The following ABCC10 variants were observed in gnomAD, a reference collection of about 807,000 sequenced individuals.
ABCC10 encodes the protein ATP binding cassette subfamily C member 10.
ABCC10 carries 110 observed loss-of-function variants against 143.2 expected under a neutral mutation model. That is an observed-to-expected ratio of 0.77 (90% CI 0.66 to 0.90). The LOEUF is 0.90. Ranked by LOEUF, ABCC10 falls within the 40% of genes least tolerant of loss-of-function variation. The pLI is 0.00. For missense variants in ABCC10, 1,700 were observed against 1,900.5 expected (o/e 0.89, Z 1.96); for synonymous variants, 805 against 846.7 (o/e 0.95, Z 0.85).
chr6:43,435,632 C>T (rs911561424), intron 4 of ABCC10, 119 bp from the exon 5 acceptor site: 2 of 1,242,520 alleles, frequency 1.6e-6, no homozygotes, highest in South Asian at 1.7e-5. Flanking sequence ...ATTGGCCAGC[C>T]AGCCCTTCAG....
chr6:43,434,719 G>T lies in ABCC10; in HGVS notation c.1479G>T (p.Leu493=), dbSNP rs761930674. ...ARVEACRARE[L]GRLRVIKYLD... The stretch of plus-strand genomic sequence containing the variant: ...TAGAGGCCTGCCGGGCTCGAGAGCT[G>T]GGGCGACTCCGGGTCATCAAATACC... The change falls in exon 4 of 22, where the codon CTG becomes CTT. Residue 493 remains leucine, a synonymous_variant. Transcript: ENST00000372530. The T allele has an allele frequency of 7.4e-6, 12 of 1,614,192 alleles. No homozygotes were observed. Among genetic ancestry groups the T allele is most frequent in the Admixed American group, 1.7e-5 (1 of 60,022 alleles).
chr6:43,427,924 C>G, intron 1 of ABCC10, 44 bp from the exon 2 acceptor site: 1 of 1,604,776 alleles, frequency 6.2e-7, no homozygotes, highest in Non-Finnish European at 8.5e-7. Flanking sequence ...CAGGCAAAGC[C>G]GGCTGTTACC....
At chr6:43,444,722 G>T (rs529791400) in intron 12 of ABCC10, 66 bp from the exon 13 acceptor site, 3 of 1,514,060 alleles carry the variant, frequency 2.0e-6, no homozygotes, top group African/African-American at 1.4e-5. Context: ...GAGAAAGGGG[G>T]CATTGGAATA....
chr6:43,445,529 C>T (rs1312874446), intron 14 of ABCC10, 70 bp from the exon 15 acceptor site: 22 of 1,441,950 alleles, frequency 1.5e-5, no homozygotes, highest in Non-Finnish European at 2.1e-5. Context: ...CACCCCACCT[C>T]CCCCAGTGCT....
Position 43,448,776 on chromosome 6 carries a change from C to G in ABCC10, c.3960-105C>G. On this transcript the variant is annotated intron_variant, in intron 18 of 21. Coordinates refer to ENST00000372530, the MANE Select transcript of ABCC10 (RefSeq NM_001198934.2). ...GCAGAGTGGGGTTATGTTCAGGTCTCATACCCAGGCTTTCATGGAGGTGCT... is the reference window on the plus strand; with the variant it reads ...GCAGAGTGGGGTTATGTTCAGGTCTGATACCCAGGCTTTCATGGAGGTGCT... The G allele has an allele frequency of 3.5e-6, 5 of 1,411,152 alleles. No homozygotes were observed. The East Asian group carries it at 1.2e-4, about 33-fold the overall frequency. The allele number at this position is 1,411,152 out of a possible 1,614,324, so 87.4% of individuals were successfully genotyped here.
chr6:43,429,848 T>C (rs1780940188), intron 2 of ABCC10, among the ~76,000 whole-genome samples: 1 of 152,178 alleles, frequency 6.6e-6, no homozygotes, highest in Non-Finnish European at 1.5e-5. Context: ...AAACCCCATC[T>C]TGAATCGCTT....
chr6:43,445,959 C>T lies in ABCC10; in HGVS notation c.3374+17C>T, dbSNP rs752719213. 4 of 1,601,374 alleles carry T rather than the reference C, an allele frequency of 2.5e-6. No individual in the cohort carries two copies. Among genetic ancestry groups the T allele is most frequent in the African/African-American group, 1.3e-5 (1 of 74,516 alleles). On this transcript the variant is annotated intron_variant, in intron 15 of 21. Transcript: ENST00000372530. ...CACCTACAGGTGTGTGAACCAGAGC[C>T]CAGGGGGATGAGGTGTTGGGGGGAG...
Position 43,447,277 on chromosome 6 carries a change from C to G in ABCC10, c.3574C>G (p.Leu1192Val), listed in dbSNP as rs542369989. 1.2e-6 allele frequency: 2 copies of G among 1,613,824 alleles called. No individual in the cohort carries two copies. The highest frequency in any genetic ancestry group is 1.3e-5 in the African/African-American group (1 of 75,048). ...GGTGGGCTTGTCGCTGTCTTATGCC[C>G]TGTCCCTGACGGGCCTGCTCTCGGG... ...GLVGLSLSYA[L>V]SLTGLLSGLV... Residue 1192 changes from leucine (L) to valine (V), a missense_variant, in exon 17 of 22, where the codon CTG becomes GTG. Physicochemically the swap from Leu to Val is conservative, Grantham distance 32. Coordinates refer to ENST00000372530, the MANE Select transcript of ABCC10 (RefSeq NM_001198934.2).
chr6:43,434,674 G>A lies in ABCC10; in HGVS notation c.1434G>A (p.Glu478=), dbSNP rs1781494302. The A allele has an allele frequency of 1.2e-6, 2 of 1,614,172 alleles. No homozygotes were observed. The highest frequency in any genetic ancestry group is 1.7e-6 in the Non-Finnish European group (2 of 1,180,032). ...GIRVIKFCGW[E]QALGARVEAC... ...GGGTCATCAAGTTCTGCGGGTGGGA[G>A]CAGGCACTGGGAGCCCGAGTAGAGG... is the stretch of plus-strand genomic sequence containing the variant. The change falls in exon 4 of 22, where the codon GAG becomes GAA. Residue 478 remains glutamate (E), a synonymous_variant. Transcript: ENST00000372530.
chr6:43,449,133 G>C lies in ABCC10; in HGVS notation c.4132G>C (p.Gly1378Arg), dbSNP rs1472599937. 2 of 1,614,210 alleles carry C rather than the reference G, an allele frequency of 1.2e-6. No homozygotes were observed. Among genetic ancestry groups the C allele is most frequent in the Admixed American group, 1.7e-5 (1 of 60,018 alleles). ...MGGLDGELGE[G>R]GRSLSLGQRQ... ...TGGTCTGGATGGTGAGCTGGGTGAG[G>C]GGGGCCGGAGCTTATCTCTTGGGCA... The change falls in exon 20 of 22, where the codon GGG (glycine) becomes CGG (arginine). Residue 1378 changes from glycine (G) to arginine (R), a missense_variant. Gly to Arg is a moderately radical substitution (Grantham distance 125). Transcript: ENST00000372530.
intron 3 of ABCC10, 93 bp from the exon 4 acceptor site, chr6:43,434,528 G>A (rs1296479717): frequency 8.2e-7 from 1 of 1,216,504 alleles, no homozygotes; most frequent in African/African-American, 1.5e-5. Flanking sequence ...TTAGAGTACT[G>A]AACATTCTGC....
intron 8 of ABCC10, 42 bp from the exon 9 acceptor site, chr6:43,441,820 T>C: frequency 6.5e-7 from 1 of 1,531,852 alleles, no homozygotes; most frequent in South Asian, 1.1e-5. Flanking sequence ...GGCCAGAAGG[T>C]AATGGGAGCT....
rs1782910860 is a variant in ABCC10, at chr6:43,445,220, C to T, written c.2936C>T (p.Ser979Phe). 3 of 1,614,100 alleles carry T rather than the reference C, an allele frequency of 1.9e-6. No homozygotes were observed. Among genetic ancestry groups the T allele is most frequent in the Non-Finnish European group, 2.5e-6 (3 of 1,179,990 alleles). ...TATGCGACCATTGCTGGTGTAAATT[C>T]CCTCTGCACCCTTCTCCGGGCAGTG... ...TVYATIAGVNSLCTLLRAVLF... is the reference protein window; with the variant it reads ...TVYATIAGVNFLCTLLRAVLF... The change falls in exon 14 of 22, where the codon TCC becomes TTC. Residue 979 changes from serine (S) to phenylalanine (F), a missense_variant. Transcript: ENST00000372530.
At chr6:43,444,692 A>C in intron 12 of ABCC10, 96 bp from the exon 13 acceptor site, 1 of 1,488,442 alleles carries the variant, frequency 6.7e-7, no homozygotes, top group Non-Finnish European at 8.9e-7. Context: ...GGAGATGGGC[A>C]GGAACCAGAG....
intron 7 of ABCC10, 25 bp downstream of exon 7, chr6:43,438,038 G>A (rs774125421): frequency 7.2e-5 from 115 of 1,603,650 alleles, no homozygotes; most frequent in Non-Finnish European, 9.5e-5. Flanking sequence ...ATGCACCCCT[G>A]TCCTTACTTT....
At chr6:43,441,035 G>A (rs1782393157) in intron 8 of ABCC10, among the ~76,000 whole-genome samples, 3 of 152,010 alleles carry the variant, frequency 2.0e-5, no homozygotes, top group Non-Finnish European at 4.4e-5. Flanking sequence ...CCCGAGAGGC[G>A]GAGGTTGCAG....
intron 2 of ABCC10, among the ~76,000 whole-genome samples, chr6:43,429,410 G>GTGTGTGTGTGTGTGT (rs555695734): frequency 3.0e-5 from 1 of 33,394 alleles, no homozygotes; most frequent in South Asian, 1.1e-3. Flanking sequence ...GTGTGTGTGT[G>GTGTGTGTGTGTGTGT]GCGGGGGGGA....
At chr6:43,437,859 G>A (rs1422364640) in intron 6 of ABCC10, 75 bp from the exon 7 acceptor site, 2 of 1,448,864 alleles carry the variant, frequency 1.4e-6, no homozygotes, top group East Asian at 2.4e-5. Flanking sequence ...GCAGCCCAGA[G>A]TGTCAAGAGG....
Position 43,438,039 on chromosome 6 carries a change from T to C in ABCC10, c.1955+26T>C, listed in dbSNP as rs747510390. On this transcript the variant is annotated intron_variant, in intron 7 of 21. Transcript: ENST00000372530. ...GTAACCAACCTCCTATGCACCCCTG[T>C]CCTTACTTTGTCCTTTAGCAAACAC... The C allele has an allele frequency of 1.6e-5, 25 of 1,602,836 alleles. No individual in the cohort carries two copies. In the South Asian group the frequency reaches 2.7e-4, roughly 17 times the overall value.
Sources: gnomAD v4.1 joint callset for allele counts (sites outside exome capture counted in the v4.1 genomes callset) on GRCh38, gnomAD v4.1.1 for gene constraint, MANE v1.5 for transcripts, NCBI Gene and HGNC (gene_info 2026-07-23, HGNC 2026-07-21) for gene names.